Variants in TRAPPC10 observed in about 807,000 individuals in gnomAD.
The protein encoded by TRAPPC10 is TRAPP 130 kDa subunit.
Under a neutral mutation model 125.5 loss-of-function variants are expected in TRAPPC10, and 23 were observed. That is an observed-to-expected ratio of 0.18 (90% confidence interval 0.13 to 0.26). The LOEUF is 0.26. Among genes scored for constraint, TRAPPC10 ranks in the 10% least tolerant of loss-of-function variants. The pLI is 1.00. For missense variants in TRAPPC10, 1,123 were observed against 1,308.4 expected (o/e 0.86, Z 2.19); for synonymous variants, 509 against 518.0 (o/e 0.98, Z 0.24).
chr21:44,070,906 A>G (rs753988650), intron 7 of TRAPPC10, among the ~76,000 whole-genome samples: 1 of 152,196 alleles, frequency 6.6e-6, no homozygotes, highest in Non-Finnish European at 1.5e-5. Context: ...TCGGACCCTG[A>G]GAAGTCATCC....
At chr21:44,092,590 T>TG (rs2038660594) in intron 19 of TRAPPC10, among the ~76,000 whole-genome samples, 1 of 105,128 alleles carries the variant, frequency 9.5e-6, no homozygotes, top group Non-Finnish European at 1.9e-5. Flanking sequence ...GATGTCTGAA[T>TG]CTCAGCATTT....
chr21:44,028,596 T>C (rs2033284108), intron 1 of TRAPPC10, among the ~76,000 whole-genome samples: 1 of 152,180 alleles, frequency 6.6e-6, no homozygotes, highest in Non-Finnish European at 1.5e-5. Context: ...CAATGGTGGG[T>C]GTGGAGACGC....
chr21:44,034,349 C>T (rs1181676967), intron 2 of TRAPPC10, among the ~76,000 whole-genome samples: 3 of 148,394 alleles, frequency 2.0e-5, no homozygotes, highest in Admixed American at 6.7e-5. Flanking sequence ...CCCCCACCCC[C>T]GCCGCCCCTC....
chr21:44,084,167 G>A lies in TRAPPC10; in HGVS notation c.2284G>A (p.Val762Met). ...TACACTCAGGCAGCTGTGCGCCTCG[G>A]TGGGCTCCGTGTGGTTCGTCCTCCC... ...TYTLRQLCAS[V>M]GSVWFVLPHI... The change falls in exon 15 of 23, where the codon GTG becomes ATG. Residue 762 changes from valine (V) to methionine (M), a missense_variant. By Grantham distance (21) the Val-to-Met change is conservative. This residue lies in a region of TRAPPC10 where 840 missense variants were observed against 902.0 expected (regional missense o/e 0.93). Coordinates refer to ENST00000291574, the MANE Select transcript of TRAPPC10 (RefSeq NM_003274.5). The A allele has an allele frequency of 1.2e-6, 2 of 1,614,196 alleles. No homozygotes were observed. Among genetic ancestry groups the A allele is most frequent in the Non-Finnish European group, 1.7e-6 (2 of 1,180,038 alleles).
chr21:44,023,261 T>C (rs1341805266), intron 1 of TRAPPC10, among the ~76,000 whole-genome samples: 6 of 151,858 alleles, frequency 4.0e-5, no homozygotes, highest in Non-Finnish European at 8.8e-5. Flanking sequence ...CTCGATCTCC[T>C]GACCTCGTCG....
At chr21:44,015,968 C>T (rs2031795431) in intron 1 of TRAPPC10, among the ~76,000 whole-genome samples, 2 of 152,156 alleles carry the variant, frequency 1.3e-5, no homozygotes, top group African/African-American at 4.8e-5. Context: ...TAACGGGCTC[C>T]TGTGAAGAGG....
intron 17 of TRAPPC10, 57 bp from the exon 18 acceptor site, chr21:44,089,776 G>A (rs1265341499): frequency 1.5e-6 from 2 of 1,368,056 alleles, no homozygotes; most frequent in Non-Finnish European, 1.0e-6. Context: ...AGCAGTGGTG[G>A]TGGCTGTGCT....
chr21:44,088,003 G>A, intron 17 of TRAPPC10, 75 bp downstream of exon 17: 1 of 1,300,252 alleles, frequency 7.7e-7, no homozygotes, highest in Non-Finnish European at 1.1e-6. Flanking sequence ...AGGCGATGTA[G>A]CGATGCCTGC....
rs576305218 is a variant in TRAPPC10, at chr21:44,087,224, C to T, written c.2539+264C>T. Among the ~76,000 whole-genome samples, 2 of 152,326 alleles carry T rather than the reference C, an allele frequency of 1.3e-5. No homozygotes were observed. The highest frequency in any genetic ancestry group is 2.9e-5 in the Non-Finnish European group (2 of 68,032). On this transcript the variant is annotated intron_variant, in intron 16 of 22. Transcript: ENST00000291574. The surrounding 1 kb of genome is among the most constrained non-coding windows in gnomAD (Gnocchi z 4.6). ...GAGATGGGGGTCACGGCTGGGGTCA[C>T]GTTCCATGGTGATGCCTGCCAGACC...
In TRAPPC10 at chr21:44,087,968, C is replaced by G; in HGVS notation, c.2769+40C>G. ...TGGAGGAGCTTAGCTTGTGGGGCGT[C>G]CGCCGCCCGCCTGCCTGCTGGGAAA... On this transcript the variant is annotated intron_variant, in intron 17 of 22. Coordinates refer to ENST00000291574, the MANE Select transcript of TRAPPC10 (RefSeq NM_003274.5). The surrounding 1 kb of genome is among the most constrained non-coding windows in gnomAD (Gnocchi z 4.6). 1 of 1,532,568 alleles carries G rather than the reference C, an allele frequency of 6.5e-7. No individual in the cohort carries two copies. The highest frequency in any genetic ancestry group is 8.9e-7 in the Non-Finnish European group (1 of 1,126,066). 94.9% of individuals were successfully genotyped at this position (1,532,568 alleles called of 1,614,324 possible). A position where few individuals can be genotyped will look rare whatever the true frequency, so the allele number is the denominator to read the frequency against.
At position 44,082,628 on chromosome 21, in the gene TRAPPC10, G is replaced by A. The variant is rs1014348100; in HGVS notation, c.1724-160G>A. Among the ~76,000 whole-genome samples, 11 of 151,718 alleles carry A rather than the reference G, an allele frequency of 7.3e-5. No individual in the cohort carries two copies. The highest frequency in any genetic ancestry group is 1.5e-4 in the Non-Finnish European group (10 of 68,000). Reference sequence around the variant, plus strand: ...TCTGCTTTTGATACAATAGCCTTTGGGGGGTGTGAAGATGGCAGGAGGCTG... The same window carrying A: ...TCTGCTTTTGATACAATAGCCTTTGAGGGGTGTGAAGATGGCAGGAGGCTG... On this transcript the variant is annotated intron_variant, in intron 13 of 22. Coordinates refer to ENST00000291574, the MANE Select transcript of TRAPPC10 (RefSeq NM_003274.5). This position sits in a 1 kb window ranked among gnomAD's most constrained non-coding sequence, Gnocchi z 4.4.
chr21:44,091,734 G>A (rs71322547), intron 18 of TRAPPC10, 189 bp from the exon 19 acceptor site: 26 of 524,336 alleles, frequency 5.0e-5, no homozygotes, highest in African/African-American at 3.7e-4. Flanking sequence ...CACCGTGCCC[G>A]GCCAAAAAGG....
chr21:44,027,614 A>G (rs945236222), intron 1 of TRAPPC10, among the ~76,000 whole-genome samples: 3 of 152,140 alleles, frequency 2.0e-5, no homozygotes, highest in African/African-American at 7.2e-5. Context: ...GGAGTTCTTG[A>G]TGTCTTGGTT....
At chr21:44,043,754 A>G (rs1269486588) in intron 3 of TRAPPC10, among the ~76,000 whole-genome samples, 2 of 152,094 alleles carry the variant, frequency 1.3e-5, no homozygotes, top group African/African-American at 2.4e-5. Flanking sequence ...ACACTGTGAT[A>G]CTTGAGAGGA....
intron 7 of TRAPPC10, among the ~76,000 whole-genome samples, chr21:44,067,183 G>A (rs549181596): frequency 7.2e-5 from 11 of 152,194 alleles, no homozygotes; most frequent in African/African-American, 1.4e-4. Context: ...TGCATGGGAC[G>A]CCGTCGGAGT....
rs765776297 is a variant in TRAPPC10 at position 44,094,053 on chromosome 21, C to A, written c.2998-10C>A. The A allele has an allele frequency of 1.1e-5, 18 of 1,610,928 alleles. No individual in the cohort carries two copies. The South Asian group carries it at 2.0e-4, about 18-fold the overall frequency. On this transcript the variant is annotated splice_polypyrimidine_tract_variant and intron_variant, in intron 19 of 22. Transcript: ENST00000291574. ...GCTGTGTGAGCAGTGACCCCCAACTCTCTTTCCAGCCCATCTACAGCAAGC... is the reference window on the plus strand; with the variant it reads ...GCTGTGTGAGCAGTGACCCCCAACTATCTTTCCAGCCCATCTACAGCAAGC...
chr21:44,080,121 A>G lies in TRAPPC10; in HGVS notation c.1717A>G (p.Ser573Gly). ...ILDFASQPSDSPGHKIVLPMH... is the reference protein window; with the variant it reads ...ILDFASQPSDGPGHKIVLPMH... ...TGACTTTGCCAGCCAGCCGTCAGAC[A>G]GCCCAGGTAAGACCAGTTCTTACAA... Residue 573 changes from serine to glycine, a missense_variant, in exon 13 of 23, where the codon AGC (serine) becomes GGC (glycine). Ser to Gly is a moderately conservative substitution (Grantham distance 56, BLOSUM62 0). Coordinates refer to ENST00000291574, the MANE Select transcript of TRAPPC10 (RefSeq NM_003274.5). The G allele has an allele frequency of 6.2e-7, 1 of 1,613,720 alleles. No homozygotes were observed. Among genetic ancestry groups the G allele is most frequent in the Non-Finnish European group, 8.5e-7 (1 of 1,179,646 alleles).
intron 1 of TRAPPC10, among the ~76,000 whole-genome samples, chr21:44,029,610 T>C (rs1430042387): frequency 1.3e-5 from 2 of 152,206 alleles, no homozygotes; most frequent in Admixed American, 6.5e-5. Flanking sequence ...CTTGGTGTGC[T>C]AGGGCTGCCG....
intron 7 of TRAPPC10, 112 bp from the exon 8 acceptor site, chr21:44,074,212 T>C: frequency 7.7e-7 from 1 of 1,303,618 alleles, no homozygotes; most frequent in Non-Finnish European, 1.1e-6. Context: ...TTAGATGAGG[T>C]GGCTGCTTGA....
Sources: allele counts gnomAD v4.1 joint callset (sites outside exome capture counted in the v4.1 genomes callset), GRCh38; gene constraint gnomAD v4.1.1; regional missense constraint gnomAD v4.1.1; non-coding constraint Gnocchi (gnomAD v3.1); transcripts MANE v1.5; gene names NCBI Gene and HGNC (gene_info 2026-07-23, HGNC 2026-07-21).